MYO16: variants seen among roughly 807,000 people sequenced by gnomAD.
MYO16 encodes unconventional myosin-XVI.
A neutral mutation model predicts 205.3 loss-of-function variants in MYO16; 94 were observed. That is an observed-to-expected ratio of 0.46 (90% CI 0.39 to 0.54). The LOEUF (loss-of-function observed/expected upper bound fraction) is 0.54, where lower values mean the gene tolerates loss of function less well. Among genes scored for constraint, MYO16 ranks in the 20% least tolerant of loss-of-function variants. The pLI is 0.00. For missense variants in MYO16, 2,315 were observed against 2,387.5 expected (o/e 0.97, Z 0.63); for synonymous variants, 988 against 954.0 (o/e 1.04, Z -0.66).
Position 109,206,826 on chromosome 13 carries a change from C to T in MYO16, c.5633C>T (p.Thr1878Ile), listed in dbSNP as rs778405798. ...CNRLPSELWD[T>I]TI ...AGGCTGCCGTCTGAGCTCTGGGACA[C>T]CACCATTTGATGTGGCCTGAACTGC... is the stretch of plus-strand genomic sequence containing the variant. The change falls in exon 35 of 35, where the codon ACC (threonine) becomes ATC (isoleucine). Residue 1878 changes from threonine to isoleucine, a missense_variant. Physicochemically the swap from Thr to Ile is moderately conservative, Grantham distance 89. This residue lies in a region of MYO16 where 1,097 missense variants were observed against 1,092.0 expected (regional missense o/e 1.00). Coordinates refer to ENST00000457511, the MANE Select transcript of MYO16 (RefSeq NM_001198950.3). 1.9e-6 allele frequency: 3 copies of T among 1,613,756 alleles called. No individual in the cohort carries two copies. Among genetic ancestry groups the T allele is most frequent in the African/African-American group, 1.3e-5 (1 of 74,930 alleles).
chr13:108,577,020 C>T, the MYO16 span, among the ~76,000 whole-genome samples: 1 of 152,292 alleles, frequency 6.6e-6, no homozygotes, highest in South Asian at 2.1e-4. Context: ...CTCAGCCTCC[C>T]AAGGTGTTGG....
chr13:108,624,681 A>C (rs1879664940), upstream of MYO16, among the ~76,000 whole-genome samples: 1 of 152,090 alleles, frequency 6.6e-6, no homozygotes, highest in Non-Finnish European at 1.5e-5. Context: ...ACTGGTCCTC[A>C]CTAGAATTTA....
intron 13 of MYO16, among the ~76,000 whole-genome samples, chr13:108,885,321 C>T (rs562237368): frequency 6.6e-6 from 1 of 152,240 alleles, no homozygotes; most frequent in Admixed American, 6.5e-5. Context: ...GGTGTCACCA[C>T]GTTGGTCAGG....
At chr13:108,814,506 A>G (rs1402384141) in intron 7 of MYO16, among the ~76,000 whole-genome samples, 1 of 152,116 alleles carries the variant, frequency 6.6e-6, no homozygotes, top group African/African-American at 2.4e-5. Flanking sequence ...CTTTAATATA[A>G]AGCAATACTC....
chr13:108,670,226 C>T (rs150474566), intron 2 of MYO16, among the ~76,000 whole-genome samples: 2 of 152,286 alleles, frequency 1.3e-5, no homozygotes, highest in East Asian at 3.9e-4. Context: ...GGCTTGGCTT[C>T]AGCTGGGATC....
In MYO16 at chr13:109,141,096, A is replaced by G; in HGVS notation, c.4884A>G (p.Lys1628=). The change falls in exon 32 of 35, where the codon AAA becomes AAG. Residue 1628 remains lysine (K), a synonymous_variant. Transcript: ENST00000457511. This position sits in a 1 kb window ranked among gnomAD's most constrained non-coding sequence, Gnocchi z 4.1. ...PPEPAPVNAG[K]AGPSAEAPKV... ...AGCCCGCCCCGGTGAACGCGGGGAA[A>G]GCGGGGCCGAGCGCAGAGGCGCCCA... The G allele has an allele frequency of 2.0e-6, 3 of 1,507,530 alleles. No homozygotes were observed. Among genetic ancestry groups the G allele is most frequent in the Non-Finnish European group, 2.7e-6 (3 of 1,131,454 alleles). 93.4% of individuals were successfully genotyped at this position (1,507,530 alleles called of 1,614,324 possible).
chr13:109,072,113 C>CA (rs1466856182), intron 27 of MYO16, among the ~76,000 whole-genome samples: 3 of 152,158 alleles, frequency 2.0e-5, no homozygotes, highest in Admixed American at 6.5e-5. Context: ...CATCTCAAAA[C>CA]AGCTTCTGTG....
chr13:108,502,827 A>G, the MYO16 span, among the ~76,000 whole-genome samples: 2 of 152,186 alleles, frequency 1.3e-5, no homozygotes, highest in Non-Finnish European at 2.9e-5. Context: ...AAAGTCTATT[A>G]ATATACCTTT....
chr13:109,202,161 A>T (rs1270815629), intron 34 of MYO16, among the ~76,000 whole-genome samples: 1 of 152,062 alleles, frequency 6.6e-6, no homozygotes, highest in Non-Finnish European at 1.5e-5. Context: ...GCTGCTATAA[A>T]CATGCATGTG....
chr13:108,560,201 G>C, the MYO16 span, among the ~76,000 whole-genome samples: 4 of 152,186 alleles, frequency 2.6e-5, no homozygotes, highest in Non-Finnish European at 5.9e-5. Context: ...TCCTATCTAT[G>C]AAGGCACACT....
chr13:109,032,084 G>A (rs543656061), intron 23 of MYO16, among the ~76,000 whole-genome samples: 3 of 152,114 alleles, frequency 2.0e-5, no homozygotes, highest in Non-Finnish European at 2.9e-5. Flanking sequence ...TTTTCTGGGC[G>A]TCTTAGGGGG....
intron 27 of MYO16, among the ~76,000 whole-genome samples, chr13:109,069,668 C>T (rs908179276): frequency 1.3e-5 from 2 of 151,892 alleles, no homozygotes; most frequent in Non-Finnish European, 1.5e-5. Context: ...AGAAGGAGGT[C>T]GGGGGAGTGC....
At chr13:108,630,621 C>A (rs1336739560) in intron 1 of MYO16, among the ~76,000 whole-genome samples, 2 of 152,184 alleles carry the variant, frequency 1.3e-5, no homozygotes, top group African/African-American at 2.4e-5. Context: ...TTGTCCCCTG[C>A]AGCACTTCTG....
chr13:108,924,717 C>G (rs548783249), intron 16 of MYO16, among the ~76,000 whole-genome samples: 1 of 152,232 alleles, frequency 6.6e-6, no homozygotes, highest in South Asian at 2.1e-4. Context: ...GTTGCCTGTG[C>G]ACACCCACAG....
the MYO16 span, among the ~76,000 whole-genome samples, chr13:108,553,175 C>A: frequency 1.3e-5 from 2 of 151,966 alleles, no homozygotes; most frequent in South Asian, 4.2e-4. Flanking sequence ...TGTGCCACCA[C>A]GCCCAACTAA....
chr13:108,528,097 G>A, the MYO16 span, among the ~76,000 whole-genome samples: 1 of 152,158 alleles, frequency 6.6e-6, no homozygotes, highest in Non-Finnish European at 1.5e-5. Flanking sequence ...TAAGATTATG[G>A]AAAATAAGAT....
the MYO16 span, among the ~76,000 whole-genome samples, chr13:108,534,831 CT>C: frequency 6.7e-6 from 1 of 149,550 alleles, no homozygotes; most frequent in Middle Eastern, 3.4e-3. Context: ...TCTTCTTCCT[CT>C]TCTTCTTCTC....
At chr13:108,616,133 A>G (rs1879342620) in intron 1 of MYO16, among the ~76,000 whole-genome samples, 1 of 152,120 alleles carries the variant, frequency 6.6e-6, no homozygotes, top group South Asian at 2.1e-4. Context: ...GGACACATGC[A>G]TTTTTCTTCA....
chr13:108,818,794 A>C (rs560531818), intron 7 of MYO16, among the ~76,000 whole-genome samples: 1 of 152,348 alleles, frequency 6.6e-6, no homozygotes, highest in East Asian at 1.9e-4. Flanking sequence ...AACTTAGGCA[A>C]AACTGGCAAA....
Sources: gnomAD v4.1 joint callset for allele counts (sites outside exome capture counted in the v4.1 genomes callset) on GRCh38, gnomAD v4.1.1 for gene constraint, gnomAD v4.1.1 regional missense constraint, Gnocchi (gnomAD v3.1) non-coding constraint, MANE v1.5 for transcripts, NCBI Gene and HGNC (gene_info 2026-07-23, HGNC 2026-07-21) for gene names.